The following RBMS3 variants were observed in gnomAD, a reference collection of about 807,000 sequenced individuals.
RBMS3 encodes the protein RNA binding motif single stranded interacting protein 3, also known as RNA-binding motif, single-stranded-interacting protein 3.
A neutral mutation model predicts 66.8 loss-of-function variants in RBMS3; 27 were observed. The ratio of observed to expected loss-of-function variants is 0.40; its 90% CI spans 0.30 to 0.56. The LOEUF (loss-of-function observed/expected upper bound fraction) is 0.56, where lower values mean the gene tolerates loss of function less well. Among genes scored for constraint, RBMS3 ranks in the 20% least tolerant of loss-of-function variants. The pLI is 0.40. For synonymous variants in RBMS3, 188 were observed against 183.0 expected (o/e 1.03, Z -0.22); for missense variants, 513 against 549.5 (o/e 0.93, Z 0.66).
At chr3:29,571,281 C>G (rs567651714) in intron 3 of RBMS3, among the ~76,000 whole-genome samples, 52 of 152,150 alleles carry the variant, frequency 3.4e-4, no homozygotes, top group African/African-American at 1.2e-3. Context: ...GTTGATTCTT[C>G]ACTTTGTTCA....
chr3:29,421,066 TCGCGCCAC>T (rs2040707335), intron 1 of RBMS3, among the ~76,000 whole-genome samples: 1 of 151,006 alleles, frequency 6.6e-6, no homozygotes, highest in Non-Finnish European at 1.5e-5. Flanking sequence ...TGAGCTAAGA[TCGCGCCAC>T]TGCACTCCAG....
intron 1 of RBMS3, among the ~76,000 whole-genome samples, chr3:29,332,498 T>C (rs1457566374): frequency 6.6e-6 from 1 of 152,188 alleles, no homozygotes; most frequent in African/African-American, 2.4e-5. Flanking sequence ...CTGACCTGAA[T>C]ATAATGTGGA....
rs551971015 is a variant in RBMS3, at chr3:29,495,289, G to A, written c.307+6790G>A. ...CACAATCATGTTATACATTTTGAAA[G>A]TATTTCTAGGTGAATAAATATTAGG... On this transcript the variant is annotated intron_variant, in intron 3 of 14. Transcript: ENST00000383767. Among the ~76,000 whole-genome samples, 4 of 152,006 alleles carry A rather than the reference G, an allele frequency of 2.6e-5. No homozygotes were observed. The South Asian group carries it at 6.2e-4, about 24-fold the overall frequency.
chr3:29,295,296 CATATATATCTATATAT>C (rs1384582819), intron 1 of RBMS3, among the ~76,000 whole-genome samples: 130 of 4,442 alleles, frequency 0.029, 5 homozygotes, highest in South Asian at 0.29. Flanking sequence ...TATATATATA[CATATATATCTATATAT>C]ATACATATAT....
chr3:29,514,650 C>CATATATATATATATATATATATAT lies in RBMS3; in HGVS notation c.307+26158_307+26181dup, dbSNP rs10601940. ...TGCATATATATATGTGTGATAGGCA[C>CATATATATATATATATATATATAT]ATATATATATATATATATATATATA... is the stretch of plus-strand genomic sequence containing the variant. On this transcript the variant is annotated intron_variant, in intron 3 of 14. Coordinates refer to ENST00000383767, the MANE Select transcript of RBMS3 (RefSeq NM_001003793.3). Among the ~76,000 whole-genome samples the CATATATATATATATATATATATAT allele has an allele frequency of 1.8e-3, 185 of 103,592 alleles. 3 individuals are homozygous for CATATATATATATATATATATATAT. Among genetic ancestry groups the CATATATATATATATATATATATAT allele is most frequent in the South Asian group, 3.8e-3 (11 of 2,894 alleles). The allele number at this position is 103,592 out of a possible 152,430, so 68.0% of individuals were successfully genotyped here. A position where few individuals can be genotyped will look rare whatever the true frequency, so the allele number is the denominator to read the frequency against.
In RBMS3 at chr3:29,965,676, GT is replaced by G. The variant is rs542374697; in HGVS notation, c.1098+21426del. 3.4e-3 allele frequency among the ~76,000 whole-genome samples: 513 copies of G among 152,142 alleles called. 4 individuals carry two copies. The highest frequency in any genetic ancestry group is 0.012 in the African/African-American group (499 of 41,506). ...GTGAAGATTTTCTCCCGTTCTGTGGGTTTTCTGTTTACTCTGCTGACTGTTC... is the reference window on the plus strand; with the variant it reads ...GTGAAGATTTTCTCCCGTTCTGTGGGTTTCTGTTTACTCTGCTGACTGTTC... On this transcript the variant is annotated intron_variant, in intron 12 of 14. Transcript: ENST00000383767.
At chr3:29,866,077 T>TAAAAAAAAAAAAAAAAA (rs35591949) in intron 6 of RBMS3, among the ~76,000 whole-genome samples, 16 of 105,574 alleles carry the variant, frequency 1.5e-4, no homozygotes, top group African/African-American at 6.2e-4. Context: ...CACCAAATAC[T>TAAAAAAAAAAAAAAAAA]AAAAAAAAAA....
intron 3 of RBMS3, among the ~76,000 whole-genome samples, chr3:29,562,906 T>C (rs1039910904): frequency 6.6e-6 from 1 of 152,192 alleles, no homozygotes; most frequent in Admixed American, 6.5e-5. Context: ...TCAACATTTC[T>C]AGATAGTTTT....
At chr3:29,428,872 T>G (rs1179062446) in intron 1 of RBMS3, among the ~76,000 whole-genome samples, 4 of 152,204 alleles carry the variant, frequency 2.6e-5, no homozygotes, top group Non-Finnish European at 5.9e-5. Context: ...GAAATTACAT[T>G]TTAAGATGGA....
chr3:29,459,769 C>A (rs940496755), intron 2 of RBMS3, among the ~76,000 whole-genome samples: 1 of 152,178 alleles, frequency 6.6e-6, no homozygotes, highest in Non-Finnish European at 1.5e-5. Context: ...CTTAGATGCA[C>A]TTCTGTAATA....
chr3:29,978,091 C>G (rs945441433), intron 12 of RBMS3, among the ~76,000 whole-genome samples: 5 of 152,114 alleles, frequency 3.3e-5, no homozygotes, highest in African/African-American at 4.8e-5. Context: ...AGTGTTTGTG[C>G]AGGCTGTATT....
At position 29,969,322 on chromosome 3, in the gene RBMS3, C is replaced by A. The variant is rs904269337; in HGVS notation, c.1099-18821C>A. 1.9e-4 allele frequency among the ~76,000 whole-genome samples: 29 copies of A among 152,314 alleles called. 1 individual carries two copies. The East Asian group carries it at 5.6e-3, about 29-fold the overall frequency. On this transcript the variant is annotated intron_variant, in intron 12 of 14. Coordinates refer to ENST00000383767, the MANE Select transcript of RBMS3 (RefSeq NM_001003793.3). Reference sequence around the variant, plus strand: ...ATTTACCCTTCTAAATTCATATGATCTCCCCAACCACAAAGAACAGTTAAA... The same window carrying A: ...ATTTACCCTTCTAAATTCATATGATATCCCCAACCACAAAGAACAGTTAAA...
At chr3:29,357,126 G>C (rs1559512878) in intron 1 of RBMS3, among the ~76,000 whole-genome samples, 1 of 152,052 alleles carries the variant, frequency 6.6e-6, no homozygotes, top group East Asian at 1.9e-4. Context: ...GTATACATGT[G>C]ACATGTTGGT....
At chr3:29,384,432 TAATAAGAAGAAG>T (rs1414502911) in intron 1 of RBMS3, among the ~76,000 whole-genome samples, 1 of 99,362 alleles carries the variant, frequency 1.0e-5, no homozygotes, top group Non-Finnish European at 2.3e-5. Flanking sequence ...ATAATAATAA[TAATAAGAAGAAG>T]AAGAAGAAGA....
chr3:29,911,581 G>A (rs2060513518), intron 10 of RBMS3, among the ~76,000 whole-genome samples: 1 of 152,024 alleles, frequency 6.6e-6, no homozygotes, highest in Admixed American at 6.6e-5. Context: ...GTATCATAAA[G>A]TAATCATTAT....
chr3:29,762,678 A>C (rs1194619381), intron 5 of RBMS3, among the ~76,000 whole-genome samples: 1 of 152,146 alleles, frequency 6.6e-6, no homozygotes, highest in Non-Finnish European at 1.5e-5. Flanking sequence ...ACGAGTGCTC[A>C]GAATAGAGCC....
chr3:29,844,682 C>T (rs1252593014), intron 6 of RBMS3, among the ~76,000 whole-genome samples: 1 of 152,170 alleles, frequency 6.6e-6, no homozygotes, highest in Admixed American at 6.5e-5. Flanking sequence ...CATTTCCATC[C>T]ATTTACTAAT....
chr3:29,899,564 T>C (rs772594540), intron 9 of RBMS3, 141 bp from the exon 10 acceptor site: 13 of 623,982 alleles, frequency 2.1e-5, no homozygotes, highest in Non-Finnish European at 3.0e-5. Flanking sequence ...GAATTCCCTT[T>C]TTACCCTTGG....
chr3:29,801,021 A>ACG (rs1379720404), intron 6 of RBMS3, among the ~76,000 whole-genome samples: 3 of 151,484 alleles, frequency 2.0e-5, no homozygotes, highest in Non-Finnish European at 4.4e-5. Flanking sequence ...ACACACACAC[A>ACG]CACACCTGTA....
Sources: gnomAD v4.1 joint callset for allele counts (sites outside exome capture counted in the v4.1 genomes callset) on GRCh38, gnomAD v4.1.1 for gene constraint, MANE v1.5 for transcripts, NCBI Gene and HGNC (gene_info 2026-07-23, HGNC 2026-07-21) for gene names.